The following DSCAM variants were observed in gnomAD, a reference collection of about 807,000 sequenced individuals.
The protein encoded by DSCAM is DS cell adhesion molecule.
Under a neutral mutation model 217.7 loss-of-function variants are expected in DSCAM, and 47 were observed. The ratio of observed to expected loss-of-function variants is 0.22; its 90% CI spans 0.17 to 0.28. The LOEUF (loss-of-function observed/expected upper bound fraction) is 0.28, where lower values mean the gene tolerates loss of function less well. Ranked by LOEUF, DSCAM falls within the 10% of genes least tolerant of loss-of-function variation. The pLI, the probability that DSCAM is intolerant of heterozygous loss-of-function variation, is 1.00. For missense variants in DSCAM, 2,080 were observed against 2,618.3 expected (o/e 0.79, Z 4.49); for synonymous variants, 1,056 against 1,015.3 (o/e 1.04, Z -0.76).
At chr21:40,290,986 A>AT (rs2073884916) in intron 10 of DSCAM, among the ~76,000 whole-genome samples, 1 of 152,230 alleles carries the variant, frequency 6.6e-6, no homozygotes, top group African/African-American at 2.4e-5. Flanking sequence ...AAAATTTATC[A>AT]TTGCTTATAT....
chr21:40,833,924 G>A (rs1038420365), intron 1 of DSCAM, among the ~76,000 whole-genome samples: 2 of 152,102 alleles, frequency 1.3e-5, no homozygotes, highest in African/African-American at 2.4e-5. Context: ...ATCTTATAGT[G>A]AGTGTCCCCT....
In DSCAM at chr21:40,597,450, G is replaced by A. The variant is rs868791980; in HGVS notation, c.508+95360C>T. 7.8e-4 allele frequency among the ~76,000 whole-genome samples: 110 copies of A among 140,836 alleles called. 1 individual carries two copies. Among genetic ancestry groups the A allele is most frequent in the Middle Eastern group, 7.8e-3 (2 of 256 alleles). The allele number at this position is 140,836 out of a possible 152,430, so 92.4% of individuals were successfully genotyped here. On this transcript the variant is annotated intron_variant, in intron 3 of 32. Transcript: ENST00000400454. The stretch of plus-strand genomic sequence containing the variant: ...GGTTCATGGTTCTAAATCAAAGTTT[G>A]CAAGCCGGTTTTTTTTTTTTTTTTA...
chr21:40,841,297 C>T (rs1170443445), intron 1 of DSCAM, among the ~76,000 whole-genome samples: 2 of 152,154 alleles, frequency 1.3e-5, no homozygotes, highest in African/African-American at 4.8e-5. Context: ...CCGTGTGCTC[C>T]ACCCTTTGAA....
At chr21:40,587,729 T>C (rs13046730) in intron 3 of DSCAM, among the ~76,000 whole-genome samples, 3,662 of 152,336 alleles carry the variant, frequency 0.024, 65 homozygotes, top group Non-Finnish European at 0.043. Context: ...ACAAGCCAGA[T>C]ATTCTTTTTT....
At chr21:40,244,812 G>C (rs57096524) in intron 11 of DSCAM, among the ~76,000 whole-genome samples, 1,987 of 152,258 alleles carry the variant, frequency 0.013, 57 homozygotes, top group African/African-American at 0.046. Flanking sequence ...CCAGGGGGTG[G>C]GATGGGTGAA....
chr21:40,385,413 G>A (rs752572685), intron 3 of DSCAM: 5 of 152,106 alleles, frequency 3.3e-5, no homozygotes, highest in Non-Finnish European at 5.9e-5. Flanking sequence ...ACAGAGTAGT[G>A]GTTCATTAAA....
intron 3 of DSCAM, among the ~76,000 whole-genome samples, chr21:40,533,556 TTCATCCATCCATCCATCCATCCATCCAA>T (rs1568884634): frequency 8.2e-6 from 1 of 121,866 alleles, no homozygotes; most frequent in Non-Finnish European, 1.8e-5. Flanking sequence ...CATCCATCCA[TTCATCCATCCATCCATCCATCCATCCAA>T]CCATCCATCC....
intron 4 of DSCAM, among the ~76,000 whole-genome samples, chr21:40,366,472 C>T (rs2074833809): frequency 6.6e-6 from 1 of 151,874 alleles, no homozygotes; most frequent in Non-Finnish European, 1.5e-5. Context: ...CTTTTTGTTT[C>T]ACAGATTTGT....
chr21:40,266,636 T>C (rs1363016352), intron 11 of DSCAM, among the ~76,000 whole-genome samples: 5 of 23,620 alleles, frequency 2.1e-4, no homozygotes, highest in African/African-American at 4.1e-4. Flanking sequence ...AAAGATGTTT[T>C]ATATATATAT....
intron 1 of DSCAM, among the ~76,000 whole-genome samples, chr21:40,764,817 G>T (rs900862208): frequency 2.0e-5 from 3 of 152,120 alleles, no homozygotes; most frequent in Non-Finnish European, 2.9e-5. Context: ...GGATGAAGCT[G>T]GAAACCATCA....
At chr21:40,297,632 A>G (rs1337916783) in intron 9 of DSCAM, among the ~76,000 whole-genome samples, 1 of 152,238 alleles carries the variant, frequency 6.6e-6, no homozygotes, top group African/African-American at 2.4e-5. Flanking sequence ...GCTTGTTACA[A>G]TGATCTGAGC....
chr21:40,048,431 G>GAGAA (rs1209740010), intron 30 of DSCAM, among the ~76,000 whole-genome samples: 3 of 152,182 alleles, frequency 2.0e-5, no homozygotes, highest in African/African-American at 7.2e-5. Context: ...AGGAAAGACA[G>GAGAA]AGAAGTAATC....
intron 29 of DSCAM, among the ~76,000 whole-genome samples, chr21:40,055,299 A>G (rs573823156): frequency 6.6e-6 from 1 of 152,330 alleles, no homozygotes; most frequent in Non-Finnish European, 1.5e-5. Flanking sequence ...TAAAAGTTTT[A>G]TTTAATGAAG....
At chr21:40,431,488 G>C (rs1035691023) in intron 3 of DSCAM, among the ~76,000 whole-genome samples, 2 of 151,954 alleles carry the variant, frequency 1.3e-5, no homozygotes, top group Non-Finnish European at 2.9e-5. Context: ...ATGTGAAGAC[G>C]ATGAAGACGG....
chr21:40,747,283 T>A (rs2091183971), intron 1 of DSCAM, among the ~76,000 whole-genome samples: 1 of 61,002 alleles, frequency 1.6e-5, no homozygotes, highest in East Asian at 3.3e-4. Context: ...GGTATTTTTG[T>A]TTAAATAAAA....
intron 1 of DSCAM, among the ~76,000 whole-genome samples, chr21:40,724,517 G>C (rs2090934392): frequency 6.6e-6 from 1 of 152,082 alleles, no homozygotes; most frequent in South Asian, 2.1e-4. Context: ...TTACAAAATT[G>C]AATGTCCAAA....
At chr21:40,146,256 C>A (rs2090355527) in intron 16 of DSCAM, among the ~76,000 whole-genome samples, 3 of 110,044 alleles carry the variant, frequency 2.7e-5, no homozygotes, top group Admixed American at 2.3e-4. Context: ...CCCAGGTGGG[C>A]TTGACGGAGG....
intron 10 of DSCAM, among the ~76,000 whole-genome samples, chr21:40,283,353 A>G (rs776359511): frequency 5.3e-5 from 8 of 152,208 alleles, no homozygotes; most frequent in Non-Finnish European, 1.0e-4. Flanking sequence ...TCAAGTGGGG[A>G]CAATTTCAAT....
chr21:40,302,081 T>G (rs1260600075), intron 9 of DSCAM, among the ~76,000 whole-genome samples: 1 of 152,244 alleles, frequency 6.6e-6, no homozygotes, highest in Non-Finnish European at 1.5e-5. Context: ...GTTGGTTTCC[T>G]TTTTTAAAGA....
Sources: allele counts gnomAD v4.1 joint callset (sites outside exome capture counted in the v4.1 genomes callset), GRCh38; gene constraint gnomAD v4.1.1; transcripts MANE v1.5; gene names NCBI Gene and HGNC (gene_info 2026-07-23, HGNC 2026-07-21).